The following LINGO2 variants were observed in gnomAD, a reference collection of about 807,000 sequenced individuals.
The protein encoded by LINGO2 is leucine rich repeat and Ig domain containing 2.
LINGO2 carries 14 observed loss-of-function variants against 30.6 expected under a neutral mutation model. The observed-to-expected ratio is 0.46, with a 90% CI of 0.30 to 0.72. The LOEUF is 0.72. Ranked by LOEUF, LINGO2 falls within the 30% of genes least tolerant of loss-of-function variation. The probability of loss-of-function intolerance (pLI) is 0.07; values close to 1 mark genes in which losing one functional copy is unlikely to be tolerated. For synonymous variants in LINGO2, 317 were observed against 288.5 expected (o/e 1.10, Z -1.00); for missense variants, 729 against 751.7 (o/e 0.97, Z 0.35).
the LINGO2 span, among the ~76,000 whole-genome samples, chr9:29,206,950 C>A: frequency 2.0e-5 from 3 of 152,006 alleles, no homozygotes; most frequent in Admixed American, 6.6e-5. Context: ...AATCCATAAT[C>A]ATAAGCTTAA....
At chr9:28,640,072 A>C (rs1249523051) in intron 1 of LINGO2, among the ~76,000 whole-genome samples, 4 of 151,982 alleles carry the variant, frequency 2.6e-5, no homozygotes. Context: ...TTTCTCCTTC[A>C]CTTATGAAGC....
chr9:28,208,752 C>G (rs1820494736), intron 4 of LINGO2, among the ~76,000 whole-genome samples: 1 of 151,930 alleles, frequency 6.6e-6, no homozygotes, highest in Non-Finnish European at 1.5e-5. Context: ...AACCTATGTA[C>G]TCATAGGCAT....
intron 5 of LINGO2, among the ~76,000 whole-genome samples, chr9:27,969,469 AAAT>A (rs1210428083): frequency 6.6e-6 from 1 of 152,196 alleles, no homozygotes; most frequent in African/African-American, 2.4e-5. Context: ...TAATATTTGG[AAAT>A]AATGATAATA....
the LINGO2 span, among the ~76,000 whole-genome samples, chr9:29,035,091 C>T: frequency 1.8e-4 from 27 of 151,800 alleles, no homozygotes; most frequent in African/African-American, 6.3e-4. Flanking sequence ...ATAATAAAAC[C>T]GTGAAGCTCT....
In LINGO2 at chr9:28,670,227, CT is replaced by C. The variant is rs1828959535; in HGVS notation, c.-393del. 6.6e-6 allele frequency: 1 copy of C among 152,060 alleles called. No homozygotes were observed. Among genetic ancestry groups the C allele is most frequent in the South Asian group, 2.1e-4 (1 of 4,822 alleles). The allele number at this position is 152,060 out of a possible 1,614,324, so 9.4% of individuals were successfully genotyped here. Reference sequence around the variant, plus strand: ...CATGTGATTAAAAATCCACTGGACACTTTAGAAGTGCAGGCAGCTCATGATA... The same window carrying C: ...CATGTGATTAAAAATCCACTGGACACTTAGAAGTGCAGGCAGCTCATGATA... On this transcript the variant is annotated 5_prime_UTR_variant, in exon 1 of 6. An upstream open reading frame in the 5' UTR loses its in-frame stop. Transcript: ENST00000379992.
At chr9:28,685,178 C>T in the LINGO2 span, among the ~76,000 whole-genome samples, 3 of 152,160 alleles carry the variant, frequency 2.0e-5, no homozygotes, top group Admixed American at 2.0e-4. Flanking sequence ...TTTATGATTG[C>T]ATAGTATTCC....
chr9:28,942,136 A>G, the LINGO2 span, among the ~76,000 whole-genome samples: 97 of 152,250 alleles, frequency 6.4e-4, no homozygotes, highest in Middle Eastern at 3.4e-3. Context: ...GTGAAAGAGG[A>G]GCTATTGTGA....
chr9:28,769,135 T>C, the LINGO2 span, among the ~76,000 whole-genome samples: 1 of 151,894 alleles, frequency 6.6e-6, no homozygotes, highest in Non-Finnish European at 1.5e-5. Flanking sequence ...TTTAAGGGTA[T>C]TCTATATCTG....
At chr9:29,144,160 G>A in the LINGO2 span, among the ~76,000 whole-genome samples, 7 of 152,152 alleles carry the variant, frequency 4.6e-5, no homozygotes, top group Non-Finnish European at 1.5e-5. Flanking sequence ...GTGCTGTTTC[G>A]GTTACTATAG....
At chr9:28,439,157 A>C (rs1824085094) in intron 2 of LINGO2, among the ~76,000 whole-genome samples, 1 of 149,106 alleles carries the variant, frequency 6.7e-6, no homozygotes, top group African/African-American at 2.4e-5. Context: ...TACAGATAAT[A>C]TATATTTACA....
At chr9:28,832,661 G>A in the LINGO2 span, among the ~76,000 whole-genome samples, 1 of 152,106 alleles carries the variant, frequency 6.6e-6, no homozygotes, top group Non-Finnish European at 1.5e-5. Context: ...TAAAAGAGTA[G>A]TTTTAGCCAC....
rs538984906 is a variant in LINGO2, at chr9:28,181,868, A to G, written c.-87+113340T>C. On this transcript the variant is annotated intron_variant, in intron 4 of 5. Coordinates refer to ENST00000379992, the Ensembl canonical transcript of LINGO2. The stretch of plus-strand genomic sequence containing the variant: ...CTCATGGATAAGAAGAATCAACATC[A>G]TGAAAATGGCCATACCACCCAAAGT... Among the ~76,000 whole-genome samples, 157 of 152,272 alleles carry G rather than the reference A, an allele frequency of 1.0e-3. 3 individuals carry two copies. Among genetic ancestry groups the G allele is most frequent in the African/African-American group, 3.5e-3 (147 of 41,566 alleles).
At chr9:28,439,659 C>T (rs564028497) in intron 2 of LINGO2, among the ~76,000 whole-genome samples, 1 of 152,240 alleles carries the variant, frequency 6.6e-6, no homozygotes, top group South Asian at 2.1e-4. Context: ...CTGGCTTCCC[C>T]TTTGTCTATT....
At chr9:29,124,516 G>A in the LINGO2 span, among the ~76,000 whole-genome samples, 294 of 152,188 alleles carry the variant, frequency 1.9e-3, 1 homozygote, top group African/African-American at 6.7e-3. Flanking sequence ...CTATCCATCT[G>A]ACAAAGGGCT....
intron 1 of LINGO2, among the ~76,000 whole-genome samples, chr9:28,551,831 T>C (rs1253463118): frequency 6.6e-6 from 1 of 152,094 alleles, no homozygotes; most frequent in Non-Finnish European, 1.5e-5. Flanking sequence ...CTGACACACG[T>C]GTGTCCTCAG....
chr9:28,228,876 G>A (rs1821261505), intron 4 of LINGO2, among the ~76,000 whole-genome samples: 2 of 151,604 alleles, frequency 1.3e-5, no homozygotes, highest in Admixed American at 6.6e-5. Context: ...TTTACATAAT[G>A]AGATGTGTCT....
intron 4 of LINGO2, among the ~76,000 whole-genome samples, chr9:28,155,199 C>T (rs1373812336): frequency 3.3e-5 from 5 of 152,190 alleles, no homozygotes; most frequent in African/African-American, 1.2e-4. Flanking sequence ...GAATCCAATT[C>T]TTTTATGCTT....
At chr9:28,985,789 C>G in the LINGO2 span, among the ~76,000 whole-genome samples, 3 of 151,998 alleles carry the variant, frequency 2.0e-5, no homozygotes, top group Non-Finnish European at 4.4e-5. Context: ...GCATCGTTTG[C>G]AAATATATTC....
rs183098589 is a variant in LINGO2 at position 28,381,581 on chromosome 9, A to G, written c.-278-8713T>C. Among the ~76,000 whole-genome samples, 16 of 152,056 alleles carry G rather than the reference A, an allele frequency of 1.1e-4. No individual in the cohort carries two copies. In the East Asian group the frequency reaches 2.8e-3, roughly 26 times the overall value. Reference sequence around the variant, plus strand: ...ATAAAACCATATTTGTGTCTGAATCAGCACCATCAATAAAAAATACCATAT... The same window carrying G: ...ATAAAACCATATTTGTGTCTGAATCGGCACCATCAATAAAAAATACCATAT... On this transcript the variant is annotated intron_variant, in intron 2 of 5. Coordinates refer to ENST00000379992, the Ensembl canonical transcript of LINGO2.
Sources: allele counts gnomAD v4.1 joint callset (sites outside exome capture counted in the v4.1 genomes callset), GRCh38; gene constraint gnomAD v4.1.1; transcripts MANE v1.5; gene names NCBI Gene and HGNC (gene_info 2026-07-23, HGNC 2026-07-21).